DNAH5: variants seen among roughly 807,000 people sequenced by gnomAD.
The protein encoded by DNAH5 is dynein axonemal heavy chain 5.
Under a neutral mutation model 518.2 loss-of-function variants are expected in DNAH5, and 372 were observed. The ratio of observed to expected loss-of-function variants is 0.72; its 90% CI spans 0.66 to 0.78. The LOEUF (loss-of-function observed/expected upper bound fraction) is 0.78. Ranked by LOEUF, DNAH5 falls within the 30% of genes least tolerant of loss-of-function variation. The probability of loss-of-function intolerance (pLI) is 0.00; values close to 1 mark genes in which losing one functional copy is unlikely to be tolerated. For synonymous variants in DNAH5, 2,039 were observed against 2,025.9 expected (o/e 1.01, Z -0.17); for missense variants, 5,523 against 5,687.0 (o/e 0.97, Z 0.93).
At chr5:13,975,774 T>C (rs182525762) in intron 1 of DNAH5, among the ~76,000 whole-genome samples, 2 of 152,320 alleles carry the variant, frequency 1.3e-5, no homozygotes, top group Admixed American at 1.3e-4. Context: ...AACCTGTAGC[T>C]AAAAACTACA....
At chr5:13,784,329 A>C (rs1755640420) in intron 52 of DNAH5, among the ~76,000 whole-genome samples, 1 of 152,140 alleles carries the variant, frequency 6.6e-6, no homozygotes, top group Admixed American at 6.5e-5. Context: ...ACAACTCTTA[A>C]TCAACTATAA....
intron 1 of DNAH5, among the ~76,000 whole-genome samples, chr5:14,010,076 T>C (rs1001981550): frequency 5.3e-5 from 8 of 152,228 alleles, no homozygotes; most frequent in African/African-American, 1.9e-4. Context: ...GATATTTATA[T>C]ACCGTTTTTA....
intron 15 of DNAH5, 137 bp downstream of exon 15, chr5:13,900,069 C>T (rs1483809457): frequency 1.3e-6 from 1 of 790,002 alleles, no homozygotes. Flanking sequence ...TGCAGCTGCA[C>T]CCCATGGCAC....
At chr5:13,866,351 T>G in intron 25 of DNAH5, 69 bp from the exon 26 acceptor site, 1 of 1,258,012 alleles carries the variant, frequency 7.9e-7, no homozygotes, top group Non-Finnish European at 1.1e-6. Flanking sequence ...ACTCAATCCA[T>G]ATTTAAATAT....
At chr5:13,907,119 C>T (rs1775401992) in intron 12 of DNAH5, among the ~76,000 whole-genome samples, 2 of 152,110 alleles carry the variant, frequency 1.3e-5, no homozygotes, top group African/African-American at 2.4e-5. Context: ...ACACCGAGAG[C>T]ATCTGTCAAA....
At chr5:13,921,955 C>T (rs1561578490) in intron 5 of DNAH5, 152 bp downstream of exon 5, 1 of 762,086 alleles carries the variant, frequency 1.3e-6, no homozygotes, top group Non-Finnish European at 2.3e-6. Flanking sequence ...ATCACCACCA[C>T]ATCTTGAAGG....
intron 53 of DNAH5, 116 bp from the exon 54 acceptor site, chr5:13,777,471 G>A (rs147712316): frequency 2.7e-5 from 21 of 768,348 alleles, no homozygotes; most frequent in Middle Eastern, 3.6e-4. Context: ...TTGTTCTATC[G>A]TATACGTATG....
At chr5:13,732,973 A>G (rs1746824962) in intron 68 of DNAH5, among the ~76,000 whole-genome samples, 1 of 152,178 alleles carries the variant, frequency 6.6e-6, no homozygotes, top group Non-Finnish European at 1.5e-5. Context: ...CTGTTTCATA[A>G]AGCAGTGTTA....
chr5:13,897,899 A>C (rs1774111421), intron 15 of DNAH5: 1 of 152,182 alleles, frequency 6.6e-6, no homozygotes. Context: ...GAGACATCTG[A>C]GGCTATTATA....
intron 12 of DNAH5, among the ~76,000 whole-genome samples, chr5:13,902,599 T>A (rs1382097893): frequency 6.6e-6 from 1 of 152,198 alleles, no homozygotes; most frequent in Admixed American, 6.5e-5. Flanking sequence ...AGGGTTCCCA[T>A]ACTTTCTCAT....
At chr5:13,980,266 G>A (rs1782580896) in intron 1 of DNAH5, among the ~76,000 whole-genome samples, 2 of 152,048 alleles carry the variant, frequency 1.3e-5, no homozygotes, top group South Asian at 4.1e-4. Flanking sequence ...TTGGCTCAGA[G>A]CCCAGGCTTC....
At chr5:13,820,291 G>A in intron 41 of DNAH5, 55 bp downstream of exon 41, 1 of 1,587,172 alleles carries the variant, frequency 6.3e-7, no homozygotes, top group Non-Finnish European at 8.6e-7. Context: ...GCATTCAAAT[G>A]GGTCACCACT....
At chr5:13,876,103 T>C (rs530091516) in intron 22 of DNAH5, among the ~76,000 whole-genome samples, 12 of 152,262 alleles carry the variant, frequency 7.9e-5, no homozygotes, top group Non-Finnish European at 1.6e-4. Flanking sequence ...GTCTGTAAAA[T>C]AGATTTGCAT....
chr5:13,748,638 G>A (rs1749763050), intron 65 of DNAH5, among the ~76,000 whole-genome samples: 1 of 152,110 alleles, frequency 6.6e-6, no homozygotes, highest in South Asian at 2.1e-4. Context: ...TCTCTTTGAA[G>A]CAATTGTGAA....
Position 13,830,702 on chromosome 5 carries a change from T to C in DNAH5, c.5956A>G (p.Lys1986Glu). 1 of 1,614,214 alleles carries C rather than the reference T, an allele frequency of 6.2e-7. No homozygotes were observed. The highest frequency in any genetic ancestry group is 8.5e-7 in the Non-Finnish European group (1 of 1,180,032). The stretch of plus-strand genomic sequence containing the variant: ...CCCATGTCTTTAGTGGTTTCTGTTT[T>C]GCCTGTGCCTGCAGGTCCAGCAGGG... ...GAPAGPAGTGKTETTKDMGRC... is the reference protein window; with the variant it reads ...GAPAGPAGTGETETTKDMGRC... Residue 1986 changes from lysine (K) to glutamate (E), a missense_variant, in exon 36 of 79, where the codon AAA becomes GAA. By Grantham distance (56) the Lys-to-Glu change is moderately conservative. Around this residue, in one of 3 missense-constraint regions of DNAH5, gnomAD observed 5,121 missense variants for 5,223.3 expected, o/e 0.98. Transcript: ENST00000265104.
At chr5:13,968,823 C>T (rs1442157767) in intron 1 of DNAH5, among the ~76,000 whole-genome samples, 1 of 152,074 alleles carries the variant, frequency 6.6e-6, no homozygotes, top group Non-Finnish European at 1.5e-5. Context: ...CTGATAGTGG[C>T]TTTATAGAAT....
intron 1 of DNAH5, among the ~76,000 whole-genome samples, chr5:13,962,551 C>T (rs1255479649): frequency 6.6e-6 from 1 of 152,162 alleles, no homozygotes; most frequent in Non-Finnish European, 1.5e-5. Context: ...CAAGCTACTG[C>T]AGTTAGAGAA....
Position 13,736,920 on chromosome 5 carries a change from A to G in DNAH5, c.11455+332T>C, listed in dbSNP as rs548374700. Among the ~76,000 whole-genome samples the G allele has an allele frequency of 5.9e-5, 9 of 152,310 alleles. No homozygotes were observed. The South Asian group carries it at 6.2e-4, about 11-fold the overall frequency. On this transcript the variant is annotated intron_variant, in intron 66 of 78. Coordinates refer to ENST00000265104, the MANE Select transcript of DNAH5 (RefSeq NM_001369.3). The stretch of plus-strand genomic sequence containing the variant: ...CCAACATAGTGTTACCAAACGATAA[A>G]TAACTGGTGCACTAATTCCTCAGAT...
chr5:13,807,216 C>T (rs549526571), intron 47 of DNAH5, among the ~76,000 whole-genome samples: 1 of 152,056 alleles, frequency 6.6e-6, no homozygotes, highest in Non-Finnish European at 1.5e-5. Flanking sequence ...AAGTGCCTAG[C>T]CTAAAAGAGT....
Sources: allele counts gnomAD v4.1 joint callset (sites outside exome capture counted in the v4.1 genomes callset), GRCh38; gene constraint gnomAD v4.1.1; regional missense constraint gnomAD v4.1.1; transcripts MANE v1.5; gene names NCBI Gene and HGNC (gene_info 2026-07-23, HGNC 2026-07-21).